HHIPL2: variants seen among roughly 807,000 people sequenced by gnomAD.
The protein encoded by HHIPL2 is HHIP like 2.
HHIPL2 carries 61 observed loss-of-function variants against 61.0 expected under a neutral mutation model. The observed-to-expected ratio is 1.00, with a 90% CI of 0.81 to 1.24. The LOEUF is 1.24. Among genes scored for constraint, HHIPL2 ranks in the 50% most tolerant of loss-of-function variants. The pLI is 0.00. For synonymous variants in HHIPL2, 343 were observed against 357.4 expected (o/e 0.96, Z 0.45); for missense variants, 885 against 910.2 (o/e 0.97, Z 0.36).
chr1:222,528,946 G>C (rs1659130306), intron 6 of HHIPL2, among the ~76,000 whole-genome samples: 1 of 150,018 alleles, frequency 6.7e-6, no homozygotes, highest in Admixed American at 6.7e-5. Flanking sequence ...TCAGTCTTTT[G>C]AGCAGCTGGG....
chr1:222,534,118 G>A (rs954222635), intron 5 of HHIPL2, among the ~76,000 whole-genome samples: 2 of 152,208 alleles, frequency 1.3e-5, no homozygotes, highest in African/African-American at 4.8e-5. Flanking sequence ...CCTTGGATCT[G>A]TTTAGCAAAT....
At chr1:222,545,828 C>G (rs925943485) in intron 1 of HHIPL2, among the ~76,000 whole-genome samples, 1 of 151,840 alleles carries the variant, frequency 6.6e-6, no homozygotes, top group Non-Finnish European at 1.5e-5. Flanking sequence ...GTCAGGAGTT[C>G]AAGACCAGCC....
At chr1:222,547,409 C>T (rs542730656) in intron 1 of HHIPL2, among the ~76,000 whole-genome samples, 3 of 152,152 alleles carry the variant, frequency 2.0e-5, no homozygotes, top group Non-Finnish European at 4.4e-5. Context: ...TAATTATTTG[C>T]CATGCACCAC....
intron 5 of HHIPL2, among the ~76,000 whole-genome samples, chr1:222,532,613 C>T (rs1436468956): frequency 8.7e-6 from 1 of 114,954 alleles, no homozygotes; most frequent in Non-Finnish European, 1.7e-5. Context: ...AAGACTTTGT[C>T]TCAAAAAAAA....
intron 6 of HHIPL2, among the ~76,000 whole-genome samples, chr1:222,528,714 T>C (rs1475866035): frequency 1.3e-5 from 2 of 152,236 alleles, no homozygotes; most frequent in Admixed American, 1.3e-4. Flanking sequence ...CTTGCTGTCA[T>C]GTGCCTTACA....
intron 6 of HHIPL2, among the ~76,000 whole-genome samples, chr1:222,530,554 T>C (rs1351246267): frequency 6.6e-6 from 1 of 152,182 alleles, no homozygotes; most frequent in Non-Finnish European, 1.5e-5. Context: ...AACATTCATC[T>C]CAAACTATCT....
At position 222,547,809 on chromosome 1, in the gene HHIPL2, G is replaced by A. The variant is rs1329300876; in HGVS notation, c.236C>T (p.Ala79Val). The A allele has an allele frequency of 5.0e-6, 8 of 1,614,190 alleles. No homozygotes were observed. The highest frequency in any genetic ancestry group is 6.8e-6 in the Non-Finnish European group (8 of 1,180,026). ...TTCCATGATGTCCCAGTACCGGGCA[G>A]CGATGCGGCGGTCCTTGTGCTGATC... ...CCDQHKDRRIAARYWDIMEYF... is the reference protein window; with the variant it reads ...CCDQHKDRRIVARYWDIMEYF... The change falls in exon 1 of 9, where the codon GCT (alanine) becomes GTT (valine). Residue 79 changes from alanine to valine, a missense_variant. Transcript: ENST00000343410.
chr1:222,527,562 T>C (rs1023687515), intron 6 of HHIPL2, among the ~76,000 whole-genome samples: 1 of 152,088 alleles, frequency 6.6e-6, no homozygotes, highest in Non-Finnish European at 1.5e-5. Flanking sequence ...CCACTCTCCA[T>C]TTCTCCTCTC....
At chr1:222,543,286 CCTTA>C (rs1446590294) in intron 2 of HHIPL2, among the ~76,000 whole-genome samples, 11 of 152,202 alleles carry the variant, frequency 7.2e-5, no homozygotes, top group African/African-American at 2.7e-4. Context: ...GGCTGCTGGT[CCTTA>C]CTTACCCTTT....
Position 222,522,376 on chromosome 1 carries a change from T to C in HHIPL2, c.*225A>G, listed in dbSNP as rs756440824. The C allele has an allele frequency of 1.7e-6, 1 of 578,268 alleles. No homozygotes were observed. The highest frequency in any genetic ancestry group is 3.1e-6 in the Non-Finnish European group (1 of 325,666). The allele number at this position is 578,268 out of a possible 1,614,324, so 35.8% of individuals were successfully genotyped here. On this transcript the variant is annotated 3_prime_UTR_variant, in exon 9 of 9. Transcript: ENST00000343410. ...GGACTAGTGCTTACCATAACCCAGG[T>C]GCACCAGCAATCTGGGATATGGTCT...
At chr1:222,545,960 G>A (rs944811087) in intron 1 of HHIPL2, among the ~76,000 whole-genome samples, 8 of 151,984 alleles carry the variant, frequency 5.3e-5, no homozygotes, top group African/African-American at 1.7e-4. Context: ...CAGGAGAATC[G>A]CTTGAAGCCG....
chr1:222,538,199 TGTGTGTGTGTG>T (rs1558130082), intron 5 of HHIPL2, among the ~76,000 whole-genome samples: 1 of 40,566 alleles, frequency 2.5e-5, no homozygotes, highest in African/African-American at 1.8e-4. Flanking sequence ...GGCTGGGGTG[TGTGTGTGTGTG>T]TGTGTGTGTG....
At chr1:222,534,911 G>A (rs962522743) in intron 5 of HHIPL2, among the ~76,000 whole-genome samples, 12 of 152,250 alleles carry the variant, frequency 7.9e-5, no homozygotes, top group Middle Eastern at 3.4e-3. Flanking sequence ...AAACACATTT[G>A]AAGATATAAT....
In HHIPL2 at chr1:222,532,033, G is replaced by A. The variant is rs143349948; in HGVS notation, c.1656C>T (p.Ser552=). 8.7e-6 allele frequency: 14 copies of A among 1,613,888 alleles called. No individual in the cohort carries two copies. The African/African-American group carries it at 1.6e-4, about 18-fold the overall frequency. The part of the protein sequence containing the change: ...KQDLCLGSTT[S]CAFPGLISTH... ...TGCTGATCAGCCCTGGGAAGGCACA[G>A]GACGTGGTGCTGCCCAGGCAAAGAT... Residue 552 remains serine (S), a synonymous_variant, in exon 6 of 9, where the codon TCC becomes TCT. Transcript: ENST00000343410.
intron 2 of HHIPL2, among the ~76,000 whole-genome samples, chr1:222,542,858 G>A (rs1659462994): frequency 6.6e-6 from 1 of 152,052 alleles, no homozygotes; most frequent in African/African-American, 2.4e-5. Context: ...AATGAGCTGT[G>A]GACCCAGCCA....
intron 8 of HHIPL2, 42 bp from the exon 9 acceptor site, chr1:222,522,929 G>A: frequency 6.5e-7 from 1 of 1,548,568 alleles, no homozygotes; most frequent in Non-Finnish European, 8.8e-7. Context: ...ATAAGTCCCA[G>A]AAAGTAGCTA....
intron 6 of HHIPL2, among the ~76,000 whole-genome samples, chr1:222,530,951 A>G (rs1659173913): frequency 6.6e-6 from 1 of 152,030 alleles, no homozygotes; most frequent in Admixed American, 6.6e-5. Context: ...AAATTCGAAA[A>G]CCTTATCTTT....
chr1:222,544,383 CAG>C (rs1659513557), intron 1 of HHIPL2, among the ~76,000 whole-genome samples, 194 bp from the exon 2 acceptor site: 2 of 152,192 alleles, frequency 1.3e-5, no homozygotes, highest in African/African-American at 2.4e-5. Context: ...AGGCAGAAAA[CAG>C]GGAAAATCTC....
intron 2 of HHIPL2, 111 bp downstream of exon 2, chr1:222,543,426 A>C (rs1659477421): frequency 9.2e-7 from 1 of 1,084,218 alleles, no homozygotes; most frequent in Non-Finnish European, 1.3e-6. Context: ...CTTTCTCAAC[A>C]GTTCGAGTAG....
Sources: gnomAD v4.1 joint callset for allele counts (sites outside exome capture counted in the v4.1 genomes callset) on GRCh38, gnomAD v4.1.1 for gene constraint, MANE v1.5 for transcripts, NCBI Gene and HGNC (gene_info 2026-07-23, HGNC 2026-07-21) for gene names.